Variants in CADPS2 observed in about 807,000 individuals in gnomAD.
The protein encoded by CADPS2 is calcium dependent secretion activator 2, also known as calcium-dependent secretion activator 2.
CADPS2 carries 93 observed loss-of-function variants against 172.5 expected under a neutral mutation model. That is an observed-to-expected ratio of 0.54 (90% CI 0.46 to 0.64). The LOEUF is 0.64. CADPS2 is among the 30% of genes least tolerant of loss of function. The pLI is 0.00. For synonymous variants in CADPS2, 546 were observed against 555.2 expected (o/e 0.98, Z 0.23); for missense variants, 1,420 against 1,565.9 (o/e 0.91, Z 1.57).
chr7:122,500,548 A>C (rs1202131343), intron 9 of CADPS2, among the ~76,000 whole-genome samples: 1 of 152,152 alleles, frequency 6.6e-6, no homozygotes, highest in East Asian at 1.9e-4. Flanking sequence ...AGAAACAGTA[A>C]ACATCCCCTC....
At chr7:122,532,146 C>A (rs183610507) in intron 8 of CADPS2, among the ~76,000 whole-genome samples, 59 of 152,216 alleles carry the variant, frequency 3.9e-4, no homozygotes, top group Admixed American at 9.2e-4. Flanking sequence ...GAAATTCTAT[C>A]AATTGGCTGA....
chr7:122,408,966 A>G (rs1299043418), intron 19 of CADPS2, among the ~76,000 whole-genome samples: 1 of 152,256 alleles, frequency 6.6e-6, no homozygotes, highest in Non-Finnish European at 1.5e-5. Flanking sequence ...GTAGTATAAA[A>G]TAATAGATTT....
chr7:122,531,661 A>C (rs923867514), intron 8 of CADPS2, among the ~76,000 whole-genome samples: 4 of 152,314 alleles, frequency 2.6e-5, no homozygotes, highest in African/African-American at 9.6e-5. Context: ...TCAAAGAATT[A>C]TCCAGAGGAT....
chr7:122,676,779 C>T, intron 2 of CADPS2: 11 of 999,864 alleles, frequency 1.1e-5, no homozygotes, highest in East Asian at 2.6e-5. Context: ...AGACTGTGAA[C>T]CAAACCATCA....
In CADPS2 at chr7:122,525,139, CAA is replaced by C. The variant is rs5887094; in HGVS notation, c.1476-11826_1476-11825del. 3.0e-3 allele frequency among the ~76,000 whole-genome samples: 440 copies of C among 148,288 alleles called. 3 individuals are homozygous for C. The highest frequency in any genetic ancestry group is 9.0e-3 in the African/African-American group (364 of 40,454). ...TGGACAACACAGTGAGACCCTGTCT[CAA>C]AAAAAAAAAAATTCTTTAAAAAGTT... is the stretch of plus-strand genomic sequence containing the variant. On this transcript the variant is annotated intron_variant, in intron 8 of 29. Transcript: ENST00000449022.
intron 15 of CADPS2, among the ~76,000 whole-genome samples, chr7:122,447,232 T>C (rs1044286795): frequency 6.6e-6 from 1 of 152,090 alleles, no homozygotes; most frequent in African/African-American, 2.4e-5. Context: ...CCTTGCTCAA[T>C]AGTTTGTTCA....
At chr7:122,322,449 A>G (rs981064888) in intron 29 of CADPS2, among the ~76,000 whole-genome samples, 2 of 152,224 alleles carry the variant, frequency 1.3e-5, no homozygotes, top group African/African-American at 2.4e-5. Context: ...TAGAATTCAT[A>G]AAATGTTATT....
At chr7:122,330,127 T>C (rs1306296978) in intron 28 of CADPS2, among the ~76,000 whole-genome samples, 2 of 152,254 alleles carry the variant, frequency 1.3e-5, no homozygotes, top group Admixed American at 6.5e-5. Flanking sequence ...TTCCAGATTA[T>C]GTATTTCTTC....
At chr7:122,477,052 A>AAGAGAGAG (rs541881529) in intron 12 of CADPS2, among the ~76,000 whole-genome samples, 63 of 26,002 alleles carry the variant, frequency 2.4e-3, no homozygotes, top group African/African-American at 9.1e-3. Flanking sequence ...GGAGAGAGAG[A>AAGAGAGAG]AGAGAGAGAG....
chr7:122,498,370 T>A (rs2058924915), intron 9 of CADPS2, among the ~76,000 whole-genome samples: 1 of 152,218 alleles, frequency 6.6e-6, no homozygotes, highest in South Asian at 2.1e-4. Context: ...TTCTTATATC[T>A]GATAATTCAT....
chr7:122,558,935 G>C (rs1395382644), intron 7 of CADPS2, among the ~76,000 whole-genome samples: 1 of 152,122 alleles, frequency 6.6e-6, no homozygotes, highest in Non-Finnish European at 1.5e-5. Flanking sequence ...GGTGCTGGGG[G>C]AGACAAGCTA....
intron 14 of CADPS2, among the ~76,000 whole-genome samples, chr7:122,469,823 CTG>C (rs71726905): frequency 0.052 from 7,584 of 145,238 alleles, 498 homozygotes; most frequent in African/African-American, 0.15. Context: ...AGGTGTGTGT[CTG>C]TGTGTGTGTG....
intron 17 of CADPS2, among the ~76,000 whole-genome samples, chr7:122,437,191 GC>G (rs559598939): frequency 1.3e-5 from 2 of 152,028 alleles, no homozygotes; most frequent in Non-Finnish European, 2.9e-5. Context: ...AATGTTCATT[GC>G]TTTTGCTTTA....
intron 17 of CADPS2, among the ~76,000 whole-genome samples, chr7:122,433,804 T>C (rs1484501900): frequency 6.6e-6 from 1 of 152,198 alleles, no homozygotes; most frequent in Non-Finnish European, 1.5e-5. Context: ...GCTAAGTCAC[T>C]GTGAGGAGAA....
intron 2 of CADPS2, among the ~76,000 whole-genome samples, chr7:122,695,735 T>C (rs1042985484): frequency 1.3e-5 from 2 of 152,206 alleles, no homozygotes; most frequent in Non-Finnish European, 2.9e-5. Context: ...AAATGTTAAA[T>C]GTCCACATTA....
intron 14 of CADPS2, among the ~76,000 whole-genome samples, chr7:122,458,161 A>T (rs554807589): frequency 7.2e-5 from 11 of 152,242 alleles, no homozygotes; most frequent in African/African-American, 2.4e-4. Flanking sequence ...AAGGGGAGAG[A>T]CACCTAGAGG....
At chr7:122,864,350 T>C (rs1165258434) in intron 1 of CADPS2, among the ~76,000 whole-genome samples, 1 of 151,966 alleles carries the variant, frequency 6.6e-6, no homozygotes, top group Non-Finnish European at 1.5e-5. Context: ...GGTGGTGGCA[T>C]GTGCCCATGG....
Position 122,670,675 on chromosome 7 carries a change from A to C in CADPS2, c.454-7106T>G, listed in dbSNP as rs529257640. Among the ~76,000 whole-genome samples the C allele has an allele frequency of 2.8e-4, 42 of 151,354 alleles. 1 individual carries two copies. Among genetic ancestry groups the C allele is most frequent in the Non-Finnish European group, 4.9e-4 (33 of 67,784 alleles). On this transcript the variant is annotated intron_variant, in intron 2 of 29. Coordinates refer to ENST00000449022, the MANE Select transcript of CADPS2 (RefSeq NM_017954.11). ...ACCACGCCTGGCTAATTTTTTTTGT[A>C]TTTTTAGTAGAGACGAGGTTTCACC...
chr7:122,808,709 T>C (rs1347355604), intron 1 of CADPS2, among the ~76,000 whole-genome samples: 1 of 152,196 alleles, frequency 6.6e-6, no homozygotes, highest in Non-Finnish European at 1.5e-5. Flanking sequence ...GTTGCCACAA[T>C]AATGTTCTGC....
Sources: allele counts gnomAD v4.1 joint callset (sites outside exome capture counted in the v4.1 genomes callset), GRCh38; gene constraint gnomAD v4.1.1; transcripts MANE v1.5; gene names NCBI Gene and HGNC (gene_info 2026-07-23, HGNC 2026-07-21).